Variants in XYLT2 observed in about 807,000 individuals in gnomAD.
XYLT2 encodes UDP-D-xylose:proteoglycan core protein beta-D-xylosyltransferase.
A neutral mutation model predicts 82.6 loss-of-function variants in XYLT2; 37 were observed. The ratio of observed to expected loss-of-function variants is 0.45; its 90% CI spans 0.34 to 0.59. XYLT2 has a LOEUF of 0.59. Ranked by LOEUF, XYLT2 falls within the 20% of genes least tolerant of loss-of-function variation. The pLI, the probability that XYLT2 is intolerant of heterozygous loss-of-function variation, is 0.01. For synonymous variants in XYLT2, 474 were observed against 499.0 expected (o/e 0.95, Z 0.67); for missense variants, 934 against 1,181.3 (o/e 0.79, Z 3.07).
In XYLT2 at chr17:50,356,010, G is replaced by C; in HGVS notation, c.1305+13G>C. On this transcript the variant is annotated intron_variant, in intron 6 of 10. Transcript: ENST00000017003. ...GCTCCCAGCCGAGGTGGGTAGCCCA[G>C]CAGGCATGAAGGCCAGGGAGGGCGT... is the stretch of plus-strand genomic sequence containing the variant. The C allele has an allele frequency of 6.2e-7, 1 of 1,614,232 alleles. No individual in the cohort carries two copies. The highest frequency in any genetic ancestry group is 1.3e-5 in the African/African-American group (1 of 75,072).
At chr17:50,357,590 G>T in intron 9 of XYLT2, 14 of 209,128 alleles carry the variant, frequency 6.7e-5, no homozygotes, top group Non-Finnish European at 8.1e-5. Flanking sequence ...GCTCCTCATA[G>T]TCTTTTTTTT....
Position 50,360,026 on chromosome 17 carries a change from T to C in XYLT2, c.2333T>C (p.Phe778Ser). The C allele has an allele frequency of 6.2e-7, 1 of 1,613,746 alleles. No individual in the cohort carries two copies. The highest frequency in any genetic ancestry group is 8.5e-7 in the Non-Finnish European group (1 of 1,179,898). The change falls in exon 11 of 11, where the codon TTC (phenylalanine) becomes TCC (serine). Residue 778 changes from phenylalanine (F) to serine (S), a missense_variant. By Grantham distance (155) the Phe-to-Ser change is radical. Transcript: ENST00000017003. ...CACAACGAGTACATGGAGCAGAGTT[T>C]CCAGGGCCTGAGTAGCATCCTGAAC... ...PPHNEYMEQSFQGLSSILNLP... is the reference protein window; with the variant it reads ...PPHNEYMEQSSQGLSSILNLP...
rs767427697 is a variant in XYLT2, at chr17:50,353,897, G to A, written c.403G>A (p.Ala135Thr). Reference protein sequence around the residue: ...GAAAGEALVGAAGFPPHGDTG... With the variant: ...GAAAGEALVGTAGFPPHGDTG... ...AGCAGCTGGGGAGGCGCTGGTAGGG[G>A]CAGCTGGCTTCCCACCACACGGAGA... The change falls in exon 2 of 11, where the codon GCA becomes ACA. Residue 135 changes from alanine (A) to threonine (T), a missense_variant. Physicochemically the swap from Ala to Thr is moderately conservative, Grantham distance 58. Transcript: ENST00000017003. 12 of 1,608,692 alleles carry A rather than the reference G, an allele frequency of 7.5e-6. No homozygotes were observed. In the South Asian group the frequency reaches 1.2e-4, roughly 16 times the overall value.
intron 7 of XYLT2, 93 bp downstream of exon 7, chr17:50,356,354 G>A (rs1912529375): frequency 1.3e-6 from 2 of 1,559,054 alleles, no homozygotes; most frequent in Admixed American, 1.8e-5. Flanking sequence ...GAGAATCTGG[G>A]GGGCCACGGC....
At chr17:50,352,123 G>A (rs1285832927) in intron 1 of XYLT2, among the ~76,000 whole-genome samples, 1 of 152,230 alleles carries the variant, frequency 6.6e-6, no homozygotes, top group Admixed American at 6.5e-5. Context: ...CTTAGTCCTG[G>A]AGAACTTGTG....
In XYLT2 at chr17:50,346,607, G is replaced by A. The variant is rs1227858958; in HGVS notation, c.135+332G>A. 1.0e-6 allele frequency: 1 copy of A among 985,012 alleles called. No individual in the cohort carries two copies. Among genetic ancestry groups the A allele is most frequent in the Non-Finnish European group, 1.2e-6 (1 of 829,656 alleles). 61.0% of individuals were successfully genotyped at this position (985,012 alleles called of 1,614,324 possible). On this transcript the variant is annotated intron_variant, in intron 1 of 10. Transcript: ENST00000017003. The surrounding 1 kb of genome is among the most constrained non-coding windows in gnomAD (Gnocchi z 5.1). ...GAGCGGGGCTGGGAGGCGGGGCTGG[G>A]CCCGAACCTGCTCGGAGGTGGGGAG...
At chr17:50,357,739 C>T (rs1453822872) in intron 9 of XYLT2, 3 of 164,634 alleles carry the variant, frequency 1.8e-5, no homozygotes, top group Admixed American at 6.2e-5. Flanking sequence ...CCACGCCCAG[C>T]TAATTTTTTT....
chr17:50,356,910 C>G (rs1416616253), intron 8 of XYLT2, 137 bp downstream of exon 8: 1 of 1,474,262 alleles, frequency 6.8e-7, no homozygotes. Flanking sequence ...GAAAAGACGG[C>G]TAGAGCCAGG....
intron 10 of XYLT2, chr17:50,358,881 C>T (rs1487686821): frequency 8.8e-6 from 2 of 227,238 alleles, no homozygotes; most frequent in Admixed American, 5.0e-5. Context: ...GTTCATGCAA[C>T]ACAAATCCAC....
In XYLT2 at chr17:50,355,837, G is replaced by A; in HGVS notation, c.1145G>A (p.Trp382Ter). Residue 382 changes from tryptophan (W) to a stop codon, truncating the protein, a stop_gained, in exon 6 of 11, where the codon TGG becomes TAG. Transcript: ENST00000017003. LOFTEE classifies it high-confidence loss of function. ...RLFHECDSHM[W>*]RLGERQIPAG... ...TTCCATGAGTGCGACTCACACATGT[G>A]GCGCCTGGGCGAGCGGCAGATCCCA... 6.2e-7 allele frequency: 1 copy of A among 1,614,262 alleles called. No individual in the cohort carries two copies. Among genetic ancestry groups the A allele is most frequent in the Non-Finnish European group, 8.5e-7 (1 of 1,180,040 alleles).
At chr17:50,349,361 G>C (rs1030776962) in intron 1 of XYLT2, among the ~76,000 whole-genome samples, 3 of 151,754 alleles carry the variant, frequency 2.0e-5, no homozygotes, top group African/African-American at 7.3e-5. Flanking sequence ...GCCCTCCCCA[G>C]TGTGGGTAGA....
intron 1 of XYLT2, among the ~76,000 whole-genome samples, chr17:50,353,150 A>C (rs533738725): frequency 5.2e-4 from 79 of 152,176 alleles, no homozygotes; most frequent in African/African-American, 1.9e-3. Context: ...AGGTGGCCTC[A>C]GTCTTCCCAC....
chr17:50,346,422 C>A lies in XYLT2; in HGVS notation c.135+147C>A, dbSNP rs2143175244. On this transcript the variant is annotated intron_variant, in intron 1 of 10. Transcript: ENST00000017003. The surrounding 1 kb of genome is among the most constrained non-coding windows in gnomAD (Gnocchi z 5.1). ...CGGCGGTCGCCCAGAGCGGAGCATC[C>A]GGCCCCCGGCACTCCCTTCCCCAGC... The A allele has an allele frequency of 1.1e-6, 1 of 935,950 alleles. No individual in the cohort carries two copies. The allele number at this position is 935,950 out of a possible 1,614,324, so 58.0% of individuals were successfully genotyped here.
chr17:50,353,570 C>T (rs769812485), intron 1 of XYLT2, 60 bp from the exon 2 acceptor site: 9 of 1,518,418 alleles, frequency 5.9e-6, no homozygotes, highest in Non-Finnish European at 7.9e-6. Context: ...CAAGATGGAA[C>T]TCAAGGAACA....
intron 1 of XYLT2, among the ~76,000 whole-genome samples, chr17:50,352,816 A>G (rs1912327604): frequency 6.6e-6 from 1 of 152,174 alleles, no homozygotes; most frequent in Non-Finnish European, 1.5e-5. Flanking sequence ...TTCAGCTTTC[A>G]AGCCAGGGAC....
intron 9 of XYLT2, 25 bp downstream of exon 9, chr17:50,357,277 T>C (rs769889553): frequency 6.5e-7 from 1 of 1,543,322 alleles, no homozygotes; most frequent in South Asian, 1.2e-5. Context: ...CCACTTGCTT[T>C]CTCCCAACCC....
In XYLT2 at chr17:50,353,727, A is replaced by C; in HGVS notation, c.233A>C (p.His78Pro). 1 of 1,560,084 alleles carries C rather than the reference A, an allele frequency of 6.4e-7. No individual in the cohort carries two copies. The highest frequency in any genetic ancestry group is 1.2e-5 in the South Asian group (1 of 84,932). The change falls in exon 2 of 11, where the codon CAT (histidine) becomes CCT (proline). Residue 78 changes from histidine to proline, a missense_variant. Physicochemically the swap from His to Pro is moderately conservative, Grantham distance 77 (BLOSUM62 -2). Transcript: ENST00000017003. ...AGRRGSTGRR[H>P]GRWRGRAESP... ...CGACGGGGCAGCACAGGCAGAAGGC[A>C]TGGGCGCTGGCGGGGCCGTGCTGAG...
rs545741603 is a variant in XYLT2 at position 50,360,881 on chromosome 17, A to G, written c.*590A>G. 287 of 985,918 alleles carry G rather than the reference A, an allele frequency of 2.9e-4. No homozygotes were observed. The African/African-American group carries it at 4.7e-3, about 16-fold the overall frequency. 61.1% of individuals were successfully genotyped at this position (985,918 alleles called of 1,614,324 possible). ...GGGCGCTGCAGAGCTGGGCTCTAGCAGGACAGTTCTTTTGTAGCCAGGGGA... is the reference window on the plus strand; with the variant it reads ...GGGCGCTGCAGAGCTGGGCTCTAGCGGGACAGTTCTTTTGTAGCCAGGGGA... On this transcript the variant is annotated 3_prime_UTR_variant, in exon 11 of 11. Coordinates refer to ENST00000017003, the MANE Select transcript of XYLT2 (RefSeq NM_022167.4).
chr17:50,359,704 C>T (rs1045441214), intron 10 of XYLT2: 10 of 491,936 alleles, frequency 2.0e-5, no homozygotes, highest in Non-Finnish European at 2.9e-5. Flanking sequence ...GGACACAAAC[C>T]AGACTGTTCC....
Sources: gnomAD v4.1 joint callset for allele counts (sites outside exome capture counted in the v4.1 genomes callset) on GRCh38, gnomAD v4.1.1 for gene constraint, Gnocchi (gnomAD v3.1) non-coding constraint, MANE v1.5 for transcripts, NCBI Gene and HGNC (gene_info 2026-07-23, HGNC 2026-07-21) for gene names.